Variants in OOEP observed in about 807,000 individuals in gnomAD.
OOEP encodes the protein oocyte expressed protein.
A neutral mutation model predicts 13.7 loss-of-function variants in OOEP; 16 were observed. The observed-to-expected ratio is 1.16, with a 90% CI of 0.79 to 1.77. The LOEUF is 1.77. Among genes scored for constraint, OOEP ranks in the 40% most tolerant of loss-of-function variants. OOEP has a pLI of 0.00. For synonymous variants in OOEP, 89 were observed against 77.1 expected (o/e 1.15, Z -0.81); for missense variants, 195 against 193.1 (o/e 1.01, Z -0.06).
At chr6:73,390,282 C>A (rs1433032961) in intron 2 of OOEP, among the ~76,000 whole-genome samples, 1 of 152,118 alleles carries the variant, frequency 6.6e-6, no homozygotes, top group Non-Finnish European at 1.5e-5. Context: ...ACACAAAATT[C>A]CCTTTTTAGA....
At position 73,368,668 on chromosome 6, in the gene OOEP, C is replaced by A; in HGVS notation, c.*116G>T. 1.5e-6 allele frequency: 1 copy of A among 688,566 alleles called. No individual in the cohort carries two copies. The highest frequency in any genetic ancestry group is 2.7e-5 in the East Asian group (1 of 37,040). 42.7% of individuals were successfully genotyped at this position (688,566 alleles called of 1,614,324 possible). ...CTCTTGCAACAAAATAAACCACAAT[C>A]CATCAAGACACAGGAAAAAGGAATA... On this transcript the variant is annotated 3_prime_UTR_variant, in exon 3 of 3. Transcript: ENST00000370359.
At chr6:73,388,638 C>G (rs2150783288) in intron 2 of OOEP, among the ~76,000 whole-genome samples, 1 of 152,334 alleles carries the variant, frequency 6.6e-6, no homozygotes, top group East Asian at 1.9e-4. Context: ...GCTTTGGCAT[C>G]ACCTCCACTT....
At chr6:73,386,916 C>T (rs1327849978) in intron 2 of OOEP, among the ~76,000 whole-genome samples, 3 of 133,444 alleles carry the variant, frequency 2.2e-5, no homozygotes, top group Admixed American at 1.8e-4. Flanking sequence ...TGCAGTGAGC[C>T]GAGATCATGC....
intron 2 of OOEP, among the ~76,000 whole-genome samples, chr6:73,393,396 T>A (rs922183255): frequency 6.6e-6 from 1 of 152,180 alleles, no homozygotes; most frequent in Non-Finnish European, 1.5e-5. Flanking sequence ...TGGCCTAAAC[T>A]GAAATTTGTT....
At chr6:73,376,344 GTTTTTTTTTTTTT>G (rs70994194) in intron 2 of OOEP, among the ~76,000 whole-genome samples, 5 of 103,528 alleles carry the variant, frequency 4.8e-5, no homozygotes, top group South Asian at 3.1e-4. Flanking sequence ...ACAAGGGGTT[GTTTTTTTTTTTTT>G]TTTTTTTTTT....
chr6:73,394,877 C>G (rs1769428455), exon 1 of OOEP: 5 of 1,609,894 alleles, frequency 3.1e-6, no homozygotes, highest in Middle Eastern at 1.7e-4. Flanking sequence ...TGGACGGCAA[C>G]GACGTCGGAC....
chr6:73,394,494 T>G (rs1769414299), intron 1 of OOEP: 3 of 625,196 alleles, frequency 4.8e-6, no homozygotes, highest in Non-Finnish European at 5.7e-6. Context: ...CGTCTCTATT[T>G]AAAAAGAAAA....
chr6:73,376,514 T>G (rs1318509765), intron 2 of OOEP, among the ~76,000 whole-genome samples: 1 of 151,886 alleles, frequency 6.6e-6, no homozygotes, highest in Non-Finnish European at 1.5e-5. Context: ...AGTCTGTTGC[T>G]CAGGCTGGAG....
At chr6:73,383,357 G>A (rs566592858) in intron 2 of OOEP, among the ~76,000 whole-genome samples, 8 of 152,250 alleles carry the variant, frequency 5.3e-5, no homozygotes, top group African/African-American at 1.7e-4. Flanking sequence ...TGCAGGGGCC[G>A]GGCACAGTGG....
At chr6:73,374,228 T>A (rs1012110802), upstream of OOEP, among the ~76,000 whole-genome samples, 4 of 152,116 alleles carry the variant, frequency 2.6e-5, no homozygotes, top group Non-Finnish European at 2.9e-5. Flanking sequence ...TGTATTTTTT[T>A]AATGGAGGAA....
chr6:73,377,636 A>G (rs555410000), intron 2 of OOEP, among the ~76,000 whole-genome samples: 1 of 152,282 alleles, frequency 6.6e-6, no homozygotes, highest in East Asian at 1.9e-4. Context: ...AAAAGCCAGC[A>G]ATATTTTTAT....
At chr6:73,389,763 T>C (rs1562280446) in intron 2 of OOEP, among the ~76,000 whole-genome samples, 1 of 151,986 alleles carries the variant, frequency 6.6e-6, no homozygotes. Flanking sequence ...AGTTAATGGG[T>C]GCAGCACACC....
intron 2 of OOEP, among the ~76,000 whole-genome samples, chr6:73,376,004 G>A (rs1322243131): frequency 4.0e-5 from 6 of 151,856 alleles, no homozygotes; most frequent in Non-Finnish European, 7.4e-5. Flanking sequence ...GGCCGGTCTC[G>A]AACTCTTGAC....
At chr6:73,375,683 A>C (rs935770493) in intron 2 of OOEP, among the ~76,000 whole-genome samples, 1 of 150,766 alleles carries the variant, frequency 6.6e-6, no homozygotes, top group African/African-American at 2.4e-5. Context: ...AGAAAAGAGA[A>C]ATCTGCCATC....
chr6:73,389,266 C>T (rs1769315217), intron 2 of OOEP, among the ~76,000 whole-genome samples: 1 of 152,136 alleles, frequency 6.6e-6, no homozygotes. Context: ...TCAGCTTCTA[C>T]CCCAGGAGCA....
At chr6:73,378,297 G>A (rs899491691) in intron 2 of OOEP, among the ~76,000 whole-genome samples, 2 of 151,376 alleles carry the variant, frequency 1.3e-5, no homozygotes, top group African/African-American at 4.9e-5. Flanking sequence ...TAAAGATGGG[G>A]TTTCTTCATG....
chr6:73,377,824 C>G (rs1267414798), intron 2 of OOEP, among the ~76,000 whole-genome samples: 1 of 152,126 alleles, frequency 6.6e-6, no homozygotes, highest in South Asian at 2.1e-4. Flanking sequence ...AGTGCAACCA[C>G]ACCTAGCTAA....
intron 1 of OOEP, chr6:73,394,549 T>C: frequency 1.8e-6 from 1 of 551,624 alleles, no homozygotes; most frequent in South Asian, 2.1e-5. Flanking sequence ...CCGAGGTGTG[T>C]GTCCAGTAGG....
At chr6:73,394,353 G>A in exon 2 of OOEP, 1 of 715,354 alleles carries the variant, frequency 1.4e-6, no homozygotes, top group Non-Finnish European at 2.6e-6. Flanking sequence ...TACCTTTATG[G>A]GTCACGGTTG....
Sources: gnomAD v4.1 joint callset for allele counts (sites outside exome capture counted in the v4.1 genomes callset) on GRCh38, gnomAD v4.1.1 for gene constraint, MANE v1.5 for transcripts, NCBI Gene and HGNC (gene_info 2026-07-23, HGNC 2026-07-21) for gene names.